RMND5A: variants seen among roughly 807,000 people sequenced by gnomAD.
The protein encoded by RMND5A is required for meiotic nuclear division 5 homolog A.
In RMND5A, 17 loss-of-function variants were observed where a neutral mutation model predicts 49.7. The observed-to-expected ratio is 0.34, with a 90% confidence interval of 0.23 to 0.51. The LOEUF is 0.51. Ranked by LOEUF, RMND5A falls within the 20% of genes least tolerant of loss-of-function variation. The pLI, the probability that RMND5A is intolerant of heterozygous loss-of-function variation, is 0.96. For missense variants in RMND5A, 255 were observed against 471.3 expected, an observed-to-expected ratio of 0.54 and a Z score of 4.25; for synonymous variants, 156 against 167.7, an observed-to-expected ratio of 0.93 and a Z score of 0.54.
At chr2:86,763,590 G>T (rs985846676) in intron 4 of RMND5A, among the ~76,000 whole-genome samples, 6 of 151,924 alleles carry the variant, frequency 3.9e-5, no homozygotes, top group Non-Finnish European at 8.8e-5. Context: ...AATCAGCTTG[G>T]GCAACATAGT....
At chr2:86,752,088 T>C (rs1282252433) in intron 3 of RMND5A, 58 bp downstream of exon 3, 31 of 1,570,160 alleles carry the variant, frequency 2.0e-5, no homozygotes, top group Non-Finnish European at 2.5e-5. Flanking sequence ...CCTTGGAGTT[T>C]ATAGTATTTG....
chr2:86,771,745 A>G, intron 8 of RMND5A, 33 bp downstream of exon 8: 1 of 1,577,678 alleles, frequency 6.3e-7, no homozygotes, highest in Non-Finnish European at 8.7e-7. Context: ...ATGTTAGCAA[A>G]TAAATTTTGT....
At chr2:86,728,309 C>T (rs1330922928) in intron 1 of RMND5A, among the ~76,000 whole-genome samples, 1 of 73,118 alleles carries the variant, frequency 1.4e-5, no homozygotes. Context: ...ACTGGTTCTA[C>T]AATCTTTTTT....
intron 4 of RMND5A, among the ~76,000 whole-genome samples, chr2:86,760,444 A>G (rs981272877): frequency 2.6e-5 from 4 of 152,360 alleles, no homozygotes; most frequent in Non-Finnish European, 5.9e-5. Context: ...GGCTGCCAAC[A>G]ACACAGTTCA....
intron 6 of RMND5A, 33 bp downstream of exon 6, chr2:86,766,057 A>G: frequency 6.4e-7 from 1 of 1,561,596 alleles, no homozygotes; most frequent in Non-Finnish European, 8.7e-7. Context: ...TTATTGAAGT[A>G]TGCACTGCAT....
rs528398473 is a variant in RMND5A, at chr2:86,720,710, C to G, written c.43C>G (p.Leu15Val). Residue 15 changes from leucine to valine, a missense_variant, in exon 1 of 9, where the codon CTG becomes GTG. Leu to Val is a conservative substitution (Grantham distance 32). Around this residue, in one of 3 missense-constraint regions of RMND5A, gnomAD observed 42 missense variants for 59.9 expected, o/e 0.70. Transcript: ENST00000283632. ...VTVERELEKVLHKFSGYGQLC... is the reference protein window; with the variant it reads ...VTVERELEKVVHKFSGYGQLC... ...GGTGGAGCGCGAGCTGGAGAAGGTG[C>G]TGCACAAGTTCTCAGGCTACGGGCA... 5.7e-6 allele frequency: 9 copies of G among 1,581,646 alleles called. No individual in the cohort carries two copies. The highest frequency in any genetic ancestry group is 1.4e-5 in the African/African-American group (1 of 73,078).
chr2:86,737,616 A>G (rs1489785456), intron 1 of RMND5A, among the ~76,000 whole-genome samples: 3 of 116,002 alleles, frequency 2.6e-5, no homozygotes, highest in Non-Finnish European at 5.0e-5. Context: ...ACAAATTTGT[A>G]TCTCCAGCAC....
intron 1 of RMND5A, among the ~76,000 whole-genome samples, chr2:86,723,933 C>T (rs1482197989): frequency 3.3e-5 from 5 of 151,792 alleles, no homozygotes; most frequent in African/African-American, 4.8e-5. Context: ...AAATTTCTCT[C>T]GTTAATCTTT....
At chr2:86,754,100 G>C (rs1226577007) in intron 4 of RMND5A, among the ~76,000 whole-genome samples, 1 of 152,210 alleles carries the variant, frequency 6.6e-6, no homozygotes, top group Non-Finnish European at 1.5e-5. Context: ...TATTATTCTA[G>C]AGCAGGGTCA....
chr2:86,765,722 C>T, intron 5 of RMND5A, 137 bp from the exon 6 acceptor site: 1 of 678,602 alleles, frequency 1.5e-6, no homozygotes. Flanking sequence ...AGGAAGAAAC[C>T]AAGCTTAAGG....
chr2:86,720,760 G>A lies in RMND5A; in HGVS notation c.93G>A (p.Glu31=). ...AGCTGTGCGAGCGCGGCCTGGAGGA[G>A]CTCATCGACTACACCGGCGGCCTCA... The part of the protein sequence containing the change: ...YGQLCERGLE[E]LIDYTGGLKH... Residue 31 remains glutamate (E), a synonymous_variant, in exon 1 of 9, where the codon GAG becomes GAA. Transcript: ENST00000283632. The A allele has an allele frequency of 6.3e-7, 1 of 1,595,776 alleles. No individual in the cohort carries two copies. Among genetic ancestry groups the A allele is most frequent in the Non-Finnish European group, 8.5e-7 (1 of 1,172,058 alleles).
At chr2:86,752,219 T>G (rs1259290195) in intron 3 of RMND5A, among the ~76,000 whole-genome samples, 189 bp downstream of exon 3, 7 of 152,238 alleles carry the variant, frequency 4.6e-5, no homozygotes, top group Non-Finnish European at 1.0e-4. Context: ...AAAATTATAG[T>G]TCTAGAACTT....
At chr2:86,758,207 C>G (rs1181170452) in intron 4 of RMND5A, among the ~76,000 whole-genome samples, 2 of 152,150 alleles carry the variant, frequency 1.3e-5, no homozygotes, top group Non-Finnish European at 2.9e-5. Context: ...CCCACCTTTG[C>G]CTTCTAATCA....
rs1195251249 is a variant in RMND5A at position 86,740,441 on chromosome 2, C to T, written c.143-486C>T. ...TCTAAGGGTAGTAGTCTATGACCTG[C>T]TGTGTTAACTCCTTTCTGCACATCG... is the stretch of plus-strand genomic sequence containing the variant. On this transcript the variant is annotated intron_variant, in intron 1 of 8. Transcript: ENST00000283632. Among the ~76,000 whole-genome samples the T allele has an allele frequency of 3.9e-4, 7 of 17,990 alleles. No individual in the cohort carries two copies. The Admixed American group carries it at 4.2e-3, about 11-fold the overall frequency. 11.8% of individuals were successfully genotyped at this position (17,990 alleles called of 152,430 possible). A position where few individuals can be genotyped will look rare whatever the true frequency, so the allele number is the denominator to read the frequency against.
chr2:86,772,984 G>C (rs1366728982), intron 8 of RMND5A, among the ~76,000 whole-genome samples: 2 of 152,160 alleles, frequency 1.3e-5, no homozygotes, highest in Admixed American at 1.3e-4. Flanking sequence ...TGCTGCCCTT[G>C]AATGGATTGT....
Position 86,768,758 on chromosome 2 carries a change from C to T in RMND5A, c.855-1265C>T, listed in dbSNP as rs527548146. 6.1e-4 allele frequency among the ~76,000 whole-genome samples: 93 copies of T among 152,266 alleles called. 1 individual carries two copies. Among genetic ancestry groups the T allele is most frequent in the Non-Finnish European group, 9.0e-4 (61 of 68,014 alleles). Reference sequence around the variant, plus strand: ...GACACAGCTGAGAGTTGGCTGCCAACACTTCCAGATCTGAGAAATGAGTGC... The same window carrying T: ...GACACAGCTGAGAGTTGGCTGCCAATACTTCCAGATCTGAGAAATGAGTGC... On this transcript the variant is annotated intron_variant, in intron 6 of 8. Coordinates refer to ENST00000283632, the MANE Select transcript of RMND5A (RefSeq NM_022780.4).
At position 86,776,147 on chromosome 2, in the gene RMND5A, T is replaced by C. The variant is rs1672765215; in HGVS notation, c.*2736T>C. The C allele has an allele frequency of 6.6e-6, 1 of 152,256 alleles. No homozygotes were observed. The highest frequency in any genetic ancestry group is 2.1e-4 in the South Asian group (1 of 4,834). The allele number at this position is 152,256 out of a possible 1,614,324, so 9.4% of individuals were successfully genotyped here. On this transcript the variant is annotated 3_prime_UTR_variant, in exon 9 of 9. Transcript: ENST00000283632. Reference sequence around the variant, plus strand: ...CAATAAAACCTTATTAGCAAATCTTTAGATTCTGACTTAGCCAGAGCATCT... The same window carrying C: ...CAATAAAACCTTATTAGCAAATCTTCAGATTCTGACTTAGCCAGAGCATCT...
At chr2:86,747,097 T>C (rs1681549932) in intron 2 of RMND5A, among the ~76,000 whole-genome samples, 1 of 152,220 alleles carries the variant, frequency 6.6e-6, no homozygotes, top group Non-Finnish European at 1.5e-5. Flanking sequence ...TGTAAAATTT[T>C]CCCCTGAAGG....
intron 2 of RMND5A, among the ~76,000 whole-genome samples, chr2:86,745,231 A>G (rs1042115786): frequency 6.6e-6 from 1 of 152,222 alleles, no homozygotes; most frequent in Non-Finnish European, 1.5e-5. Context: ...AAAGATTTTA[A>G]TATCTCAAAT....
Sources: gnomAD v4.1 joint callset for allele counts (sites outside exome capture counted in the v4.1 genomes callset) on GRCh38, gnomAD v4.1.1 for gene constraint, gnomAD v4.1.1 regional missense constraint, MANE v1.5 for transcripts, NCBI Gene and HGNC (gene_info 2026-07-23, HGNC 2026-07-21) for gene names.